The following KCNH7 variants were observed in gnomAD, a reference collection of about 807,000 sequenced individuals.
The protein encoded by KCNH7 is potassium voltage-gated channel subfamily H member 7.
A neutral mutation model predicts 120.8 loss-of-function variants in KCNH7; 49 were observed. That is an observed-to-expected ratio of 0.41 (90% CI 0.32 to 0.51). KCNH7 has a LOEUF of 0.51. Among genes scored for constraint, KCNH7 ranks in the 20% least tolerant of loss-of-function variants. The pLI is 0.38. For synonymous variants in KCNH7, 547 were observed against 516.1 expected (o/e 1.06, Z -0.81); for missense variants, 1,097 against 1,446.6 (o/e 0.76, Z 3.92).
rs536519669 is a variant in KCNH7, at chr2:162,407,808, G to C, written c.2155-7367C>G. 2.0e-5 allele frequency among the ~76,000 whole-genome samples: 3 copies of C among 152,098 alleles called. No individual in the cohort carries two copies. In the East Asian group the frequency reaches 5.8e-4, roughly 30 times the overall value. The stretch of plus-strand genomic sequence containing the variant: ...GTTCTTCCCAAATGGATTGATTGTA[G>C]ATGACCTTAGCTTGCCTATAAAATA... On this transcript the variant is annotated intron_variant, in intron 9 of 15. Coordinates refer to ENST00000332142, the MANE Select transcript of KCNH7 (RefSeq NM_033272.4).
At chr2:162,375,021 T>TAC (rs1312074587) in intron 14 of KCNH7, among the ~76,000 whole-genome samples, 3 of 152,208 alleles carry the variant, frequency 2.0e-5, no homozygotes, top group Non-Finnish European at 2.9e-5. Context: ...TTATGTGTTA[T>TAC]ACATATTTTT....
intron 6 of KCNH7, among the ~76,000 whole-genome samples, chr2:162,493,048 AT>A (rs1354670141): frequency 8.6e-5 from 13 of 151,998 alleles, no homozygotes; most frequent in African/African-American, 2.7e-4. Flanking sequence ...TGGGAAAAAA[AT>A]ATTTGTTTTC....
intron 2 of KCNH7, among the ~76,000 whole-genome samples, chr2:162,781,829 A>T (rs1241941325): frequency 6.6e-6 from 1 of 152,122 alleles, no homozygotes; most frequent in Non-Finnish European, 1.5e-5. Context: ...CATTGCTTAA[A>T]ATGTCTGAGA....
At chr2:162,486,422 A>G (rs1331204853) in intron 6 of KCNH7, among the ~76,000 whole-genome samples, 1 of 152,196 alleles carries the variant, frequency 6.6e-6, no homozygotes, top group South Asian at 2.1e-4. Flanking sequence ...GATTTTTAAA[A>G]GATAGGCTTC....
intron 8 of KCNH7, among the ~76,000 whole-genome samples, chr2:162,425,394 T>G (rs1209618955): frequency 6.6e-6 from 1 of 152,166 alleles, no homozygotes; most frequent in Non-Finnish European, 1.5e-5. Flanking sequence ...AGACATTAAT[T>G]CTCTGTAAGG....
intron 8 of KCNH7, among the ~76,000 whole-genome samples, chr2:162,431,321 A>AT (rs1356584559): frequency 6.6e-6 from 1 of 151,908 alleles, no homozygotes; most frequent in Non-Finnish European, 1.5e-5. Context: ...CTTTTATCAC[A>AT]TTTTTTGTTA....
intron 2 of KCNH7, among the ~76,000 whole-genome samples, chr2:162,819,657 T>C (rs1167647128): frequency 6.6e-6 from 1 of 152,170 alleles, no homozygotes; most frequent in Non-Finnish European, 1.5e-5. Context: ...TTTGAGTTGC[T>C]AAGGATTTCT....
At chr2:162,506,361 G>T (rs892385863) in intron 5 of KCNH7, among the ~76,000 whole-genome samples, 4 of 151,762 alleles carry the variant, frequency 2.6e-5, no homozygotes, top group African/African-American at 9.7e-5. Flanking sequence ...TTATTGTAAT[G>T]CATACCAGGA....
intron 2 of KCNH7, among the ~76,000 whole-genome samples, chr2:162,831,424 A>G (rs1685474160): frequency 6.6e-6 from 1 of 152,144 alleles, no homozygotes; most frequent in South Asian, 2.1e-4. Flanking sequence ...CTATTTGAGA[A>G]ATATTTCTGA....
chr2:162,718,048 CT>C (rs553444031), intron 2 of KCNH7, among the ~76,000 whole-genome samples: 66 of 148,454 alleles, frequency 4.4e-4, no homozygotes, highest in South Asian at 4.3e-4. Context: ...CTCTCTCTCT[CT>C]TTTTTTTTTC....
intron 2 of KCNH7, among the ~76,000 whole-genome samples, chr2:162,794,444 C>T (rs896055507): frequency 6.6e-6 from 1 of 151,980 alleles, no homozygotes; most frequent in Admixed American, 6.6e-5. Flanking sequence ...TCAACTCAGT[C>T]CTGGGCTAGA....
intron 2 of KCNH7, among the ~76,000 whole-genome samples, chr2:162,626,678 G>A (rs1014545258): frequency 6.6e-6 from 1 of 152,126 alleles, no homozygotes; most frequent in Non-Finnish European, 1.5e-5. Flanking sequence ...TGCTATCACT[G>A]CATAGAGAAG....
At chr2:162,423,566 G>A in intron 8 of KCNH7, 31 bp from the exon 9 acceptor site, 2 of 1,591,178 alleles carry the variant, frequency 1.3e-6, no homozygotes, top group Non-Finnish European at 8.6e-7. Context: ...AGTTATCGGG[G>A]AAACTGCACA....
At chr2:162,726,501 C>T (rs1176874344) in intron 2 of KCNH7, among the ~76,000 whole-genome samples, 2 of 152,124 alleles carry the variant, frequency 1.3e-5, no homozygotes, top group Admixed American at 1.3e-4. Flanking sequence ...CTCACTGTAA[C>T]CCCCGCCTCC....
chr2:162,760,594 TC>T (rs1688936150), intron 2 of KCNH7, among the ~76,000 whole-genome samples: 1 of 152,056 alleles, frequency 6.6e-6, no homozygotes, highest in African/African-American at 2.4e-5. Flanking sequence ...ACATTAATGG[TC>T]CCCTTCTCAT....
At chr2:162,680,514 C>G (rs1422420191) in intron 2 of KCNH7, among the ~76,000 whole-genome samples, 1 of 151,576 alleles carries the variant, frequency 6.6e-6, no homozygotes, top group Non-Finnish European at 1.5e-5. Flanking sequence ...ATAATCAGCC[C>G]CAGTCCATCT....
At chr2:162,411,221 C>A (rs555355851) in intron 9 of KCNH7, among the ~76,000 whole-genome samples, 1 of 151,758 alleles carries the variant, frequency 6.6e-6, no homozygotes, top group Non-Finnish European at 1.5e-5. Flanking sequence ...TGCCTATCAA[C>A]GGTGGACTGG....
intron 6 of KCNH7, among the ~76,000 whole-genome samples, chr2:162,481,078 C>T (rs934999099): frequency 3.9e-5 from 6 of 152,122 alleles, no homozygotes; most frequent in Non-Finnish European, 7.4e-5. Context: ...GACTGGGTTA[C>T]GTGCCCCCTT....
chr2:162,432,552 A>T (rs1466132487), intron 8 of KCNH7, among the ~76,000 whole-genome samples: 1 of 152,060 alleles, frequency 6.6e-6, no homozygotes, highest in Non-Finnish European at 1.5e-5. Flanking sequence ...TCAACTTTCT[A>T]TGCATTCTAA....
Sources: allele counts gnomAD v4.1 joint callset (sites outside exome capture counted in the v4.1 genomes callset), GRCh38; gene constraint gnomAD v4.1.1; transcripts MANE v1.5; gene names NCBI Gene and HGNC (gene_info 2026-07-23, HGNC 2026-07-21).